Variants in SETBP1 observed in about 807,000 individuals in gnomAD.
SETBP1 encodes the protein SET-binding protein.
A neutral mutation model predicts 101.0 loss-of-function variants in SETBP1; 9 were observed. That is an observed-to-expected ratio of 0.09 (90% CI 0.05 to 0.16). The LOEUF is 0.16. Among genes scored for constraint, SETBP1 ranks in the 10% least tolerant of loss-of-function variants. SETBP1 has a pLI of 1.00. For missense variants in SETBP1, 1,858 were observed against 2,033.8 expected, an observed-to-expected ratio of 0.91 and a Z score of 1.66; for synonymous variants, 818 against 788.5, an observed-to-expected ratio of 1.04 and a Z score of -0.63.
chr18:44,952,405 C>G lies in SETBP1; in HGVS notation c.3065C>G (p.Pro1022Arg). 6.2e-7 allele frequency: 1 copy of G among 1,614,150 alleles called. No homozygotes were observed. The highest frequency in any genetic ancestry group is 8.5e-7 in the Non-Finnish European group (1 of 1,180,040). Residue 1022 changes from proline (P) to arginine (R), a missense_variant, in exon 4 of 6, where the codon CCT becomes CGT. Around this residue, in one of 12 missense-constraint regions of SETBP1, gnomAD observed 255 missense variants for 300.1 expected, o/e 0.85. Transcript: ENST00000649279. ...DLKSKKKRGRPAKTNDTMTKV... is the reference protein window; with the variant it reads ...DLKSKKKRGRRAKTNDTMTKV... ...AAGTCAAAGAAGAAGCGTGGTAGGC[C>G]TGCAAAAACCAATGACACCATGACA... is the stretch of plus-strand genomic sequence containing the variant.
chr18:44,889,955 T>C (rs776279691), intron 3 of SETBP1, among the ~76,000 whole-genome samples: 1 of 152,210 alleles, frequency 6.6e-6, no homozygotes, highest in Non-Finnish European at 1.5e-5. Context: ...CTTGTTTACT[T>C]AATTAACAAA....
intron 3 of SETBP1, among the ~76,000 whole-genome samples, chr18:44,919,473 C>T (rs1297520263): frequency 6.6e-6 from 1 of 151,906 alleles, no homozygotes; most frequent in Non-Finnish European, 1.5e-5. Flanking sequence ...CCTCAGCTTC[C>T]TGAGTAGCTG....
intron 4 of SETBP1, chr18:44,989,221 A>G (rs1174155180): frequency 6.6e-6 from 1 of 152,204 alleles, no homozygotes; most frequent in Non-Finnish European, 1.5e-5. Flanking sequence ...GAAGAACATC[A>G]AAAGAATAAG....
In SETBP1 at chr18:44,742,976, C is replaced by G. The variant is rs538478967; in HGVS notation, c.486+41144C>G. Among the ~76,000 whole-genome samples the G allele has an allele frequency of 4.9e-4, 69 of 139,728 alleles. No homozygotes were observed. The East Asian group carries it at 0.013, about 25-fold the overall frequency. 91.7% of individuals were successfully genotyped at this position (139,728 alleles called of 152,430 possible). On this transcript the variant is annotated intron_variant, in intron 2 of 5. Coordinates refer to ENST00000649279, the MANE Select transcript of SETBP1 (RefSeq NM_015559.3). ...CTCTCTCTCTCTCTCTCTCTCCCCC[C>G]CTGTCCCGTTACCCCTTTCTGTCTC...
chr18:44,755,517 A>G (rs1168941805), intron 2 of SETBP1, among the ~76,000 whole-genome samples: 3 of 151,834 alleles, frequency 2.0e-5, no homozygotes, highest in Non-Finnish European at 4.4e-5. Context: ...TTAGACATCA[A>G]ACTCCAGGTT....
intron 3 of SETBP1, among the ~76,000 whole-genome samples, chr18:44,912,596 T>G (rs1231256595): frequency 6.6e-6 from 1 of 152,110 alleles, no homozygotes; most frequent in Non-Finnish European, 1.5e-5. Flanking sequence ...TTTTTGTATT[T>G]TTAGTAGAGA....
intron 2 of SETBP1, among the ~76,000 whole-genome samples, chr18:44,798,191 C>T (rs970647734): frequency 2.0e-5 from 3 of 152,046 alleles, no homozygotes; most frequent in African/African-American, 4.8e-5. Context: ...TGGACTGTTC[C>T]CTCCCAAGAA....
Position 45,039,457 on chromosome 18 carries a change from T to G in SETBP1, c.4171+802T>G, listed in dbSNP as rs373099200. On this transcript the variant is annotated intron_variant, in intron 5 of 5. Transcript: ENST00000649279. ...ATTCCTAATTACATCCTACAAGTCC[T>G]TAAAACCCAGCTAGTCACAGCTCCT... 1.2e-4 allele frequency among the ~76,000 whole-genome samples: 18 copies of G among 152,280 alleles called. No individual in the cohort carries two copies. In the East Asian group the frequency reaches 3.3e-3, roughly 28 times the overall value.
At chr18:44,748,595 G>C (rs938007387) in intron 2 of SETBP1, among the ~76,000 whole-genome samples, 3 of 152,196 alleles carry the variant, frequency 2.0e-5, no homozygotes, top group Non-Finnish European at 4.4e-5. Context: ...ATCCAAGACT[G>C]CTTGAGATGC....
At chr18:44,864,508 C>A (rs881433) in intron 2 of SETBP1, among the ~76,000 whole-genome samples, 48,785 of 151,838 alleles carry the variant, frequency 0.32, 7,976 homozygotes, top group South Asian at 0.41. Flanking sequence ...AGCTCCTCAA[C>A]AAATGGAAGG....
chr18:44,871,727 T>C (rs968446697), intron 3 of SETBP1: 1 of 152,180 alleles, frequency 6.6e-6, no homozygotes, highest in Non-Finnish European at 1.5e-5. Flanking sequence ...TTTCTCCCCA[T>C]GGTTATTGGT....
intron 2 of SETBP1, among the ~76,000 whole-genome samples, chr18:44,857,880 C>G (rs1394471154): frequency 2.6e-5 from 4 of 152,130 alleles, no homozygotes; most frequent in Non-Finnish European, 5.9e-5. Flanking sequence ...ACCTTCATTT[C>G]CAGATACCTC....
At chr18:44,789,628 C>T (rs2071328072) in intron 2 of SETBP1, among the ~76,000 whole-genome samples, 1 of 152,214 alleles carries the variant, frequency 6.6e-6, no homozygotes. Flanking sequence ...TGCGCTCTCG[C>T]TCCTGTTTTA....
At chr18:44,736,934 C>G (rs768741161) in intron 2 of SETBP1, among the ~76,000 whole-genome samples, 1 of 152,230 alleles carries the variant, frequency 6.6e-6, no homozygotes, top group Non-Finnish European at 1.5e-5. Context: ...TGCTCACTCT[C>G]TCTCTCTTAC....
intron 3 of SETBP1, among the ~76,000 whole-genome samples, chr18:44,883,619 T>G (rs574484511): frequency 2.7e-4 from 41 of 152,320 alleles, no homozygotes; most frequent in African/African-American, 9.4e-4. Flanking sequence ...GGTCCTTCAC[T>G]AAACTTACTT....
At chr18:45,055,431 T>A (rs1333487731) in intron 5 of SETBP1, among the ~76,000 whole-genome samples, 1 of 152,240 alleles carries the variant, frequency 6.6e-6, no homozygotes, top group African/African-American at 2.4e-5. Context: ...AAATTTCATT[T>A]TACCTATTAT....
At chr18:44,832,329 C>T (rs1231816615) in intron 2 of SETBP1, among the ~76,000 whole-genome samples, 3 of 152,168 alleles carry the variant, frequency 2.0e-5, no homozygotes, top group Non-Finnish European at 4.4e-5. Context: ...CCAGGCCAGG[C>T]CCGGGGCTAC....
Position 44,881,572 on chromosome 18 carries a change from A to G in SETBP1, c.540+12289A>G, listed in dbSNP as rs188891391. ...AATTACTTTGCCAATTGCAGATTCC[A>G]TCGTGATGTGTTTAGTGCAATCAGG... On this transcript the variant is annotated intron_variant, in intron 3 of 5. Coordinates refer to ENST00000649279, the MANE Select transcript of SETBP1 (RefSeq NM_015559.3). 1.3e-4 allele frequency among the ~76,000 whole-genome samples: 20 copies of G among 152,298 alleles called. No homozygotes were observed. The East Asian group carries it at 3.3e-3, about 25-fold the overall frequency.
intron 2 of SETBP1, among the ~76,000 whole-genome samples, chr18:44,754,112 C>T (rs563506844): frequency 6.6e-6 from 1 of 152,194 alleles, no homozygotes; most frequent in African/African-American, 2.4e-5. Flanking sequence ...GACAGCTTCC[C>T]CAGTATTTGA....
Sources: allele counts gnomAD v4.1 joint callset (sites outside exome capture counted in the v4.1 genomes callset), GRCh38; gene constraint gnomAD v4.1.1; regional missense constraint gnomAD v4.1.1; transcripts MANE v1.5; gene names NCBI Gene and HGNC (gene_info 2026-07-23, HGNC 2026-07-21).